HECTD2: variants seen among roughly 807,000 people sequenced by gnomAD.
HECTD2 encodes the protein probable E3 ubiquitin-protein ligase HECTD2.
A neutral mutation model predicts 103.2 loss-of-function variants in HECTD2; 35 were observed. The observed-to-expected ratio is 0.34, with a 90% CI of 0.26 to 0.45. The LOEUF is 0.45. Among genes scored for constraint, HECTD2 ranks in the 20% least tolerant of loss-of-function variants. HECTD2 has a pLI of 1.00. For missense variants in HECTD2, 596 were observed against 937.4 expected (o/e 0.64, Z 4.76); for synonymous variants, 281 against 329.9 (o/e 0.85, Z 1.61).
chr10:91,500,859 A>G (rs1846873434), intron 19 of HECTD2, among the ~76,000 whole-genome samples: 1 of 152,196 alleles, frequency 6.6e-6, no homozygotes, highest in Non-Finnish European at 1.5e-5. Flanking sequence ...TTTTAAAAAA[A>G]TGACTTTGCT....
intron 20 of HECTD2, among the ~76,000 whole-genome samples, chr10:91,510,807 T>A (rs1429414065): frequency 6.6e-6 from 1 of 152,198 alleles, no homozygotes; most frequent in East Asian, 1.9e-4. Context: ...GCGTAAAAAA[T>A]TAAGAATGTT....
chr10:91,422,832 T>G (rs1843411180), intron 1 of HECTD2, among the ~76,000 whole-genome samples: 2 of 152,314 alleles, frequency 1.3e-5, no homozygotes, highest in African/African-American at 4.8e-5. Flanking sequence ...GTTGAATAAC[T>G]GTTAATTGAA....
At position 91,462,202 on chromosome 10, in the gene HECTD2, C is replaced by A. The variant is rs760274736; in HGVS notation, c.600+18C>A. The stretch of plus-strand genomic sequence containing the variant: ...TTAATACTGTAAGTATTATGACATG[C>A]AAGTAATATTATTCTGTGTCTCTTC... On this transcript the variant is annotated intron_variant, in intron 5 of 20. Transcript: ENST00000298068. 39 of 1,564,470 alleles carry A rather than the reference C, an allele frequency of 2.5e-5. No homozygotes were observed. Among genetic ancestry groups the A allele is most frequent in the Non-Finnish European group, 3.4e-5 (39 of 1,149,860 alleles).
At chr10:91,409,857 C>T (rs1289303208), upstream of HECTD2, among the ~76,000 whole-genome samples, 1 of 152,166 alleles carries the variant, frequency 6.6e-6, no homozygotes, top group Non-Finnish European at 1.5e-5. Context: ...CCAGCCCAGA[C>T]CCCGAGGGCG....
Position 91,503,682 on chromosome 10 carries a change from C to T in HECTD2, c.2210+2348C>T, listed in dbSNP as rs564584025. ...AGCAGTCTGAGATCAAACTGCAAGG[C>T]GGCAGCGAGGCTGGGGGAGGGGCGC... On this transcript the variant is annotated intron_variant, in intron 20 of 20. Transcript: ENST00000298068. 2.3e-3 allele frequency among the ~76,000 whole-genome samples: 355 copies of T among 152,284 alleles called. 4 individuals carry two copies. The highest frequency in any genetic ancestry group is 3.7e-3 in the Non-Finnish European group (254 of 68,016).
chr10:91,474,348 AT>A (rs1463958086), intron 5 of HECTD2, among the ~76,000 whole-genome samples: 1 of 152,210 alleles, frequency 6.6e-6, no homozygotes, highest in African/African-American at 2.4e-5. Context: ...ATCACTTTAG[AT>A]TTTTAAAAAT....
chr10:91,443,932 C>T (rs1183791729), intron 2 of HECTD2, among the ~76,000 whole-genome samples: 4 of 152,038 alleles, frequency 2.6e-5, no homozygotes, highest in Admixed American at 2.6e-4. Context: ...GTTCAATTTA[C>T]AAATAAGTAA....
chr10:91,444,343 G>T (rs1189973847), intron 2 of HECTD2, among the ~76,000 whole-genome samples: 1 of 152,188 alleles, frequency 6.6e-6, no homozygotes, highest in African/African-American at 2.4e-5. Flanking sequence ...CAGAGCCTGA[G>T]AGTGGAGAGA....
chr10:91,456,701 TTGGC>T (rs1845111977), intron 2 of HECTD2, among the ~76,000 whole-genome samples: 1 of 152,126 alleles, frequency 6.6e-6, no homozygotes, highest in African/African-American at 2.4e-5. Context: ...CAGTATGATA[TTGGC>T]TGTGGGTTTG....
intron 2 of HECTD2, among the ~76,000 whole-genome samples, chr10:91,452,288 C>A (rs916758390): frequency 6.6e-6 from 1 of 152,076 alleles, no homozygotes; most frequent in African/African-American, 2.4e-5. Context: ...AGAAGCTAAA[C>A]AAACCTCATT....
intron 2 of HECTD2, among the ~76,000 whole-genome samples, chr10:91,441,834 A>T: frequency 2.1e-5 from 2 of 96,284 alleles, no homozygotes; most frequent in Admixed American, 1.0e-4. Context: ...GTCTTTTTGG[A>T]TCTTTGTTGG....
chr10:91,428,460 C>A (rs1224814408), intron 2 of HECTD2, among the ~76,000 whole-genome samples: 2 of 151,966 alleles, frequency 1.3e-5, no homozygotes, highest in African/African-American at 2.4e-5. Context: ...CTATAAATTA[C>A]CTTGGGCAGT....
chr10:91,429,393 A>C (rs548658870), intron 2 of HECTD2, among the ~76,000 whole-genome samples: 62 of 152,230 alleles, frequency 4.1e-4, no homozygotes, highest in Admixed American at 6.5e-4. Context: ...CTGGCCTCAT[A>C]AAATGAGTTA....
At chr10:91,437,394 A>G (rs1278020308) in intron 2 of HECTD2, among the ~76,000 whole-genome samples, 1 of 152,084 alleles carries the variant, frequency 6.6e-6, no homozygotes, top group Non-Finnish European at 1.5e-5. Context: ...TCCAAAGACA[A>G]ACATCTCAAA....
intron 2 of HECTD2, among the ~76,000 whole-genome samples, chr10:91,450,780 A>G (rs1340994017): frequency 3.3e-5 from 5 of 152,190 alleles, no homozygotes; most frequent in Non-Finnish European, 7.4e-5. Flanking sequence ...GCTCATCATC[A>G]CTGGTCATTA....
intron 15 of HECTD2, among the ~76,000 whole-genome samples, chr10:91,496,617 G>C (rs995229463): frequency 6.6e-5 from 10 of 152,078 alleles, no homozygotes; most frequent in Admixed American, 6.5e-5. Context: ...TCACTTACTA[G>C]CTCTGTGAAT....
At chr10:91,422,448 C>T (rs1843396039) in intron 1 of HECTD2, among the ~76,000 whole-genome samples, 1 of 152,084 alleles carries the variant, frequency 6.6e-6, no homozygotes, top group Non-Finnish European at 1.5e-5. Flanking sequence ...TGGTTACTTT[C>T]TTATAACTGT....
chr10:91,494,879 A>T (rs1165914354), intron 14 of HECTD2, among the ~76,000 whole-genome samples: 1 of 151,708 alleles, frequency 6.6e-6, no homozygotes, highest in East Asian at 1.9e-4. Context: ...TGATATTTTG[A>T]CTCTAATATT....
At chr10:91,467,630 C>T (rs1335962076) in intron 5 of HECTD2, among the ~76,000 whole-genome samples, 1 of 150,098 alleles carries the variant, frequency 6.7e-6, no homozygotes, top group Non-Finnish European at 1.5e-5. Flanking sequence ...ACACACCAGC[C>T]TACCTGCAAC....
Sources: allele counts gnomAD v4.1 joint callset (sites outside exome capture counted in the v4.1 genomes callset), GRCh38; gene constraint gnomAD v4.1.1; transcripts MANE v1.5; gene names NCBI Gene and HGNC (gene_info 2026-07-23, HGNC 2026-07-21).